The following ASIC2 variants were observed in gnomAD, a reference collection of about 807,000 sequenced individuals.
ASIC2 encodes acid-sensing ion channel 2.
ASIC2 carries 25 observed loss-of-function variants against 57.3 expected under a neutral mutation model. The ratio of observed to expected loss-of-function variants is 0.44; its 90% confidence interval spans 0.32 to 0.61. The LOEUF is 0.61. ASIC2 is among the 20% of genes least tolerant of loss of function. The pLI is 0.06. For missense variants in ASIC2, 641 were observed against 738.1 expected (o/e 0.87, Z 1.52); for synonymous variants, 319 against 307.5 (o/e 1.04, Z -0.39).
At chr17:33,738,849 G>A (rs1910008871) in intron 1 of ASIC2, among the ~76,000 whole-genome samples, 1 of 152,158 alleles carries the variant, frequency 6.6e-6, no homozygotes. Context: ...CAGCTCTCAG[G>A]TTTTCCTTTT....
intron 3 of ASIC2, among the ~76,000 whole-genome samples, chr17:33,049,675 A>G (rs1281812435): frequency 6.6e-6 from 1 of 152,238 alleles, no homozygotes; most frequent in East Asian, 1.9e-4. Flanking sequence ...GGTAAGTTTT[A>G]CAAATGCTGT....
chr17:33,763,352 C>A lies in ASIC2; in HGVS notation c.555+392626G>T, dbSNP rs376243327. Among the ~76,000 whole-genome samples the A allele has an allele frequency of 1.7e-4, 26 of 152,320 alleles. No individual in the cohort carries two copies. The East Asian group carries it at 4.1e-3, about 24-fold the overall frequency. The stretch of plus-strand genomic sequence containing the variant: ...GTCACTCTGTTCACTTAATTCAGAT[C>A]AGCAGGGCAGGAAAGGGTGGGATGC... On this transcript the variant is annotated intron_variant, in intron 1 of 9. Transcript: ENST00000359872.
At chr17:33,563,874 A>T (rs1916150874) in intron 1 of ASIC2, among the ~76,000 whole-genome samples, 1 of 152,130 alleles carries the variant, frequency 6.6e-6, no homozygotes, top group Admixed American at 6.5e-5. Flanking sequence ...GGATGCTTTG[A>T]CCAGCAGGAT....
intron 1 of ASIC2, among the ~76,000 whole-genome samples, chr17:34,099,856 A>C (rs1287949715): frequency 6.6e-6 from 1 of 152,232 alleles, no homozygotes; most frequent in Non-Finnish European, 1.5e-5. Context: ...TGTGACTTGG[A>C]ATGAACACTG....
At chr17:33,771,766 T>A (rs1162600791) in intron 1 of ASIC2, among the ~76,000 whole-genome samples, 1 of 152,244 alleles carries the variant, frequency 6.6e-6, no homozygotes, top group African/African-American at 2.4e-5. Flanking sequence ...TTTCTGGGCT[T>A]CATGTGATCT....
chr17:33,901,348 T>G (rs1252631891), intron 1 of ASIC2, among the ~76,000 whole-genome samples: 1 of 152,184 alleles, frequency 6.6e-6, no homozygotes, highest in Non-Finnish European at 1.5e-5. Context: ...CAGTTTATCC[T>G]GGGTCCTACA....
chr17:34,095,726 G>T (rs143119871), intron 1 of ASIC2, among the ~76,000 whole-genome samples: 4,002 of 140,712 alleles, frequency 0.028, 172 homozygotes, highest in African/African-American at 0.083. Context: ...TATATAGAGA[G>T]ATATATATAT....
intron 1 of ASIC2, among the ~76,000 whole-genome samples, chr17:33,784,117 G>A (rs1308169388): frequency 6.6e-6 from 1 of 152,212 alleles, no homozygotes; most frequent in Non-Finnish European, 1.5e-5. Flanking sequence ...TCTAAGTGCT[G>A]TGAAGTTAGG....
chr17:33,415,374 C>G (rs1380431280), intron 1 of ASIC2, among the ~76,000 whole-genome samples: 1 of 151,952 alleles, frequency 6.6e-6, no homozygotes, highest in Non-Finnish European at 1.5e-5. Context: ...AATGGAAATG[C>G]TATGTAAATA....
chr17:34,080,155 C>A (rs1045946063), intron 1 of ASIC2, among the ~76,000 whole-genome samples: 4 of 152,144 alleles, frequency 2.6e-5, no homozygotes, highest in Admixed American at 2.0e-4. Flanking sequence ...TAAAAGGGAC[C>A]ATTAATAGCC....
chr17:33,495,421 T>C (rs920655146), intron 1 of ASIC2, among the ~76,000 whole-genome samples: 6 of 152,196 alleles, frequency 3.9e-5, no homozygotes, highest in Non-Finnish European at 7.3e-5. Context: ...TCTCATCTTC[T>C]CGGAAACCAA....
At chr17:33,800,584 G>A (rs992009897) in intron 1 of ASIC2, among the ~76,000 whole-genome samples, 5 of 152,148 alleles carry the variant, frequency 3.3e-5, no homozygotes, top group African/African-American at 1.2e-4. Context: ...TCAAGGGGTA[G>A]TTGTTAAACA....
chr17:33,464,408 C>G (rs1841892335), intron 1 of ASIC2, among the ~76,000 whole-genome samples: 1 of 152,096 alleles, frequency 6.6e-6, no homozygotes, highest in Non-Finnish European at 1.5e-5. Context: ...TTAAAAGACA[C>G]TCCTCCTTAA....
intron 1 of ASIC2, among the ~76,000 whole-genome samples, chr17:34,110,277 C>T (rs1234651522): frequency 6.6e-6 from 1 of 152,192 alleles, no homozygotes; most frequent in Non-Finnish European, 1.5e-5. Flanking sequence ...ACTTTTTTCT[C>T]TCTTTCTGGA....
At chr17:33,298,977 A>G (rs1288347381) in intron 1 of ASIC2, among the ~76,000 whole-genome samples, 2 of 152,232 alleles carry the variant, frequency 1.3e-5, no homozygotes, top group Non-Finnish European at 2.9e-5. Flanking sequence ...ATGCTCATGG[A>G]TAAGAGGAAT....
At position 33,355,539 on chromosome 17, in the gene ASIC2, GC is replaced by G. The variant is rs138008972; in HGVS notation, c.556-243473del. ...GGGGGCGGGGGCTTTAAAGACCCAG[GC>G]TCCTTCCTCCCTTTTGAATTTCTTA... On this transcript the variant is annotated intron_variant, in intron 1 of 9. Transcript: ENST00000359872. 5.2e-3 allele frequency among the ~76,000 whole-genome samples: 793 copies of G among 152,254 alleles called. 4 individuals carry two copies. The highest frequency in any genetic ancestry group is 9.1e-3 in the Non-Finnish European group (617 of 68,016).
chr17:33,092,435 A>G (rs1460487309), intron 2 of ASIC2, among the ~76,000 whole-genome samples: 3 of 152,174 alleles, frequency 2.0e-5, no homozygotes, highest in African/African-American at 4.8e-5. Flanking sequence ...ACTTCACACC[A>G]TCCACTTTGG....
At chr17:33,823,257 T>C (rs1460058178) in intron 1 of ASIC2, among the ~76,000 whole-genome samples, 2 of 152,250 alleles carry the variant, frequency 1.3e-5, no homozygotes, top group Non-Finnish European at 2.9e-5. Flanking sequence ...CCAAGCCTTC[T>C]GGTTCCTGAA....
At chr17:34,028,661 T>C (rs1239472749) in intron 1 of ASIC2, among the ~76,000 whole-genome samples, 7 of 152,168 alleles carry the variant, frequency 4.6e-5, no homozygotes, top group Admixed American at 4.6e-4. Flanking sequence ...TCATAAAATA[T>C]TGGAAGAAAT....
Sources: allele counts gnomAD v4.1 joint callset (sites outside exome capture counted in the v4.1 genomes callset), GRCh38; gene constraint gnomAD v4.1.1; transcripts MANE v1.5; gene names NCBI Gene and HGNC (gene_info 2026-07-23, HGNC 2026-07-21).